The following PDE3B variants were observed in gnomAD, a reference collection of about 807,000 sequenced individuals.
PDE3B encodes the protein phosphodiesterase 3B, also known as cGMP-inhibited 3',5'-cyclic phosphodiesterase 3B.
PDE3B carries 66 observed loss-of-function variants against 116.8 expected under a neutral mutation model. The ratio of observed to expected loss-of-function variants is 0.56; its 90% confidence interval spans 0.46 to 0.69. The LOEUF (loss-of-function observed/expected upper bound fraction) is 0.69, where lower values mean the gene tolerates loss of function less well. PDE3B is among the 30% of genes least tolerant of loss of function. The pLI, the probability that PDE3B is intolerant of heterozygous loss-of-function variation, is 0.00. For synonymous variants in PDE3B, 595 were observed against 533.6 expected (o/e 1.12, Z -1.59); for missense variants, 1,384 against 1,368.1 (o/e 1.01, Z -0.18).
intron 12 of PDE3B, among the ~76,000 whole-genome samples, chr11:14,848,428 C>T (rs1282438974): frequency 6.6e-6 from 1 of 150,466 alleles, no homozygotes; most frequent in East Asian, 1.9e-4. Flanking sequence ...AAAACTGGCA[C>T]AAGACAGGGA....
At chr11:14,861,876 G>A (rs1201630548) in intron 14 of PDE3B, among the ~76,000 whole-genome samples, 2 of 152,174 alleles carry the variant, frequency 1.3e-5, no homozygotes, top group Non-Finnish European at 2.9e-5. Context: ...ATGCTTCCAG[G>A]GTTGTGTTAC....
intron 1 of PDE3B, among the ~76,000 whole-genome samples, chr11:14,697,392 T>G (rs1444031339): frequency 6.6e-6 from 1 of 152,186 alleles, no homozygotes; most frequent in Non-Finnish European, 1.5e-5. Context: ...CTTTCAGTGG[T>G]CTTTTTCATA....
intron 12 of PDE3B, among the ~76,000 whole-genome samples, chr11:14,846,894 G>A (rs985945229): frequency 2.0e-5 from 3 of 152,132 alleles, no homozygotes; most frequent in African/African-American, 4.8e-5. Context: ...AATAATGGGG[G>A]ACTTTAACAC....
At chr11:14,649,293 A>T (rs1414058316) in intron 1 of PDE3B, among the ~76,000 whole-genome samples, 7 of 152,146 alleles carry the variant, frequency 4.6e-5, no homozygotes, top group Non-Finnish European at 8.8e-5. Context: ...TTGCCGAAAA[A>T]GCCTATTTCA....
intron 1 of PDE3B, among the ~76,000 whole-genome samples, chr11:14,771,234 A>G (rs1484781226): frequency 6.6e-6 from 1 of 151,786 alleles, no homozygotes; most frequent in Admixed American, 6.6e-5. Flanking sequence ...AAAGAAATTT[A>G]GGATTGATGA....
At chr11:14,815,820 A>G (rs1859307268) in intron 5 of PDE3B, among the ~76,000 whole-genome samples, 2 of 152,328 alleles carry the variant, frequency 1.3e-5, no homozygotes, top group Admixed American at 1.3e-4. Context: ...AACTATACAA[A>G]TAGCATATAA....
chr11:14,782,521 A>G (rs751451471), intron 2 of PDE3B, among the ~76,000 whole-genome samples: 1 of 152,236 alleles, frequency 6.6e-6, no homozygotes, highest in Admixed American at 6.5e-5. Context: ...AGGATTGCCT[A>G]TTTAATAAAT....
intron 1 of PDE3B, among the ~76,000 whole-genome samples, chr11:14,645,618 A>G (rs1362098261): frequency 2.0e-5 from 3 of 152,226 alleles, no homozygotes; most frequent in Non-Finnish European, 4.4e-5. Flanking sequence ...AGACAGCAGT[A>G]TAGGTGAATA....
chr11:14,674,715 AG>A (rs1337517183), intron 1 of PDE3B, among the ~76,000 whole-genome samples: 1 of 152,218 alleles, frequency 6.6e-6, no homozygotes, highest in African/African-American at 2.4e-5. Context: ...TTACCCTCAT[AG>A]GAAAAATATT....
chr11:14,787,744 T>C (rs909678762), intron 3 of PDE3B, among the ~76,000 whole-genome samples: 1 of 151,874 alleles, frequency 6.6e-6, no homozygotes, highest in Non-Finnish European at 1.5e-5. Flanking sequence ...CTCTATCTTA[T>C]AAGAAAGAGG....
At chr11:14,854,333 T>C (rs1847809745) in intron 12 of PDE3B, among the ~76,000 whole-genome samples, 1 of 152,140 alleles carries the variant, frequency 6.6e-6, no homozygotes, top group Non-Finnish European at 1.5e-5. Flanking sequence ...GAGTGGGTAT[T>C]AGTAGTCTAA....
chr11:14,819,224 G>A lies in PDE3B; in HGVS notation c.1807+15G>A. 4.6e-6 allele frequency: 7 copies of A among 1,509,706 alleles called. No homozygotes were observed. Among genetic ancestry groups the A allele is most frequent in the Non-Finnish European group, 3.7e-6 (4 of 1,092,798 alleles). 93.5% of individuals were successfully genotyped at this position (1,509,706 alleles called of 1,614,324 possible). A position where few individuals can be genotyped will look rare whatever the true frequency, so the allele number is the denominator to read the frequency against. ...TGGAAAATCAGGTGAGATTACAAAA[G>A]TCATATGTATTTGAGTTTAAGAGAA... On this transcript the variant is annotated intron_variant, in intron 7 of 15. Transcript: ENST00000282096.
chr11:14,854,309 A>G (rs1332583301), intron 12 of PDE3B, among the ~76,000 whole-genome samples: 1 of 152,166 alleles, frequency 6.6e-6, no homozygotes, highest in Non-Finnish European at 1.5e-5. Context: ...GCCTGGAGAG[A>G]GTAACAGTTC....
intron 1 of PDE3B, among the ~76,000 whole-genome samples, chr11:14,745,892 C>A (rs1277679481): frequency 6.6e-6 from 1 of 152,122 alleles, no homozygotes; most frequent in Non-Finnish European, 1.5e-5. Flanking sequence ...ATAGTTATTC[C>A]ACATCCCCAT....
intron 1 of PDE3B, among the ~76,000 whole-genome samples, chr11:14,765,419 C>T (rs1028167700): frequency 2.4e-4 from 36 of 151,616 alleles, no homozygotes; most frequent in African/African-American, 6.3e-4. Context: ...CTCCGTAGAG[C>T]GTGTTAGACT....
chr11:14,843,898 A>C lies in PDE3B; in HGVS notation c.2392A>C (p.Ser798Arg), dbSNP rs1231748298. The change falls in exon 12 of 16, where the codon AGT becomes CGT. Residue 798 changes from serine (S) to arginine (R), a missense_variant. This residue lies in a region of PDE3B where 428 missense variants were observed against 561.4 expected (regional missense o/e 0.76). Transcript: ENST00000282096. ...GAAGAGCTGCTCTAATCCTGATGAG[A>C]GTTATGGCTGCCTGTCTTCAAACAT... ...SSKSCSNPDE[S>R]YGCLSSNIPA... is the part of the protein sequence containing the mutation. 1 of 1,614,106 alleles carries C rather than the reference A, an allele frequency of 6.2e-7. No homozygotes were observed.
At chr11:14,838,418 A>G (rs768155126) in intron 11 of PDE3B, among the ~76,000 whole-genome samples, 1 of 152,196 alleles carries the variant, frequency 6.6e-6, no homozygotes, top group Non-Finnish European at 1.5e-5. Context: ...TAAGATATCA[A>G]ATGGGAAATA....
chr11:14,842,925 T>C (rs1016120786), intron 11 of PDE3B, among the ~76,000 whole-genome samples: 1 of 152,228 alleles, frequency 6.6e-6, no homozygotes, highest in Non-Finnish European at 1.5e-5. Context: ...TAAAATAGGA[T>C]TAAATAATTC....
intron 3 of PDE3B, among the ~76,000 whole-genome samples, chr11:14,788,174 T>C (rs924567146): frequency 6.6e-5 from 10 of 151,924 alleles, no homozygotes; most frequent in African/African-American, 1.4e-4. Flanking sequence ...ATATCGAATT[T>C]GTCTCTCCTT....
Sources: gnomAD v4.1 joint callset for allele counts (sites outside exome capture counted in the v4.1 genomes callset) on GRCh38, gnomAD v4.1.1 for gene constraint, gnomAD v4.1.1 regional missense constraint, MANE v1.5 for transcripts, NCBI Gene and HGNC (gene_info 2026-07-23, HGNC 2026-07-21) for gene names.